PTPRN2: variants seen among roughly 807,000 people sequenced by gnomAD.
The protein encoded by PTPRN2 is receptor-type tyrosine-protein phosphatase N2.
Under a neutral mutation model 118.8 loss-of-function variants are expected in PTPRN2, and 74 were observed. The ratio of observed to expected loss-of-function variants is 0.62; its 90% CI spans 0.52 to 0.76. The LOEUF is 0.76. Among genes scored for constraint, PTPRN2 ranks in the 30% least tolerant of loss-of-function variants. The pLI, the probability that PTPRN2 is intolerant of heterozygous loss-of-function variation, is 0.00. For synonymous variants in PTPRN2, 641 were observed against 608.0 expected (o/e 1.05, Z -0.80); for missense variants, 1,481 against 1,394.4 (o/e 1.06, Z -0.99).
intron 2 of PTPRN2, among the ~76,000 whole-genome samples, chr7:158,424,681 T>A (rs767443560): frequency 2.6e-5 from 4 of 151,806 alleles, no homozygotes. Flanking sequence ...GAGAGCAGAG[T>A]CAAGCACGAT....
chr7:158,067,877 T>C (rs578081341), intron 11 of PTPRN2, among the ~76,000 whole-genome samples: 1 of 151,394 alleles, frequency 6.6e-6, no homozygotes, highest in South Asian at 2.1e-4. Flanking sequence ...CGCCGGGCCA[T>C]GGGCAGCACA....
chr7:158,156,403 T>C (rs1821820264), intron 6 of PTPRN2, among the ~76,000 whole-genome samples: 2 of 152,178 alleles, frequency 1.3e-5, no homozygotes, highest in Non-Finnish European at 2.9e-5. Flanking sequence ...GGACGACAGG[T>C]AACGCAGCTC....
At chr7:158,014,793 TCATCCATCCACCCGTCCATATACCCACA>T (rs1174805407) in intron 11 of PTPRN2, among the ~76,000 whole-genome samples, 7 of 150,790 alleles carry the variant, frequency 4.6e-5, no homozygotes, top group African/African-American at 1.7e-4. Context: ...CTCCACACAT[TCATCCATCCACCCGTCCATATACCCACA>T]CATCCATCCA....
chr7:157,584,540 G>A (rs80220476), intron 17 of PTPRN2, among the ~76,000 whole-genome samples: 259 of 152,346 alleles, frequency 1.7e-3, no homozygotes, highest in African/African-American at 6.1e-3. Context: ...AACAAGCATG[G>A]TAACTGCATC....
intron 1 of PTPRN2, chr7:158,537,370 C>T (rs1207317856): frequency 6.6e-6 from 1 of 152,246 alleles, no homozygotes; most frequent in African/African-American, 2.4e-5. Context: ...GTCGTTAGCA[C>T]CCAAGGCCCA....
intron 14 of PTPRN2, among the ~76,000 whole-genome samples, chr7:157,628,849 GT>G (rs1209696215): frequency 6.6e-6 from 1 of 152,126 alleles, no homozygotes; most frequent in Non-Finnish European, 1.5e-5. Context: ...TTATCCTCTT[GT>G]TTAAGGAAAT....
intron 12 of PTPRN2, among the ~76,000 whole-genome samples, chr7:157,824,222 T>C (rs1807028191): frequency 6.6e-6 from 1 of 152,024 alleles, no homozygotes. Context: ...CGAGCTCAGC[T>C]TGCCGACGGC....
intron 9 of PTPRN2, among the ~76,000 whole-genome samples, chr7:158,114,783 C>T (rs975042183): frequency 6.6e-6 from 1 of 152,186 alleles, no homozygotes; most frequent in Admixed American, 6.5e-5. Context: ...AGAACTACCA[C>T]AGGGCTGAGA....
chr7:157,599,112 C>T (rs1253004226), intron 16 of PTPRN2, among the ~76,000 whole-genome samples: 4 of 151,632 alleles, frequency 2.6e-5, no homozygotes, highest in South Asian at 2.1e-4. Context: ...TGGGTTCAAG[C>T]GATTCTCCTG....
At chr7:158,415,058 ACCAGC>A (rs1814540738) in intron 2 of PTPRN2, among the ~76,000 whole-genome samples, 2 of 151,168 alleles carry the variant, frequency 1.3e-5, no homozygotes, top group Admixed American at 6.6e-5. Context: ...TGATGATACA[ACCAGC>A]TACTTCTCTG....
intron 13 of PTPRN2, among the ~76,000 whole-genome samples, chr7:157,666,797 C>T (rs534641928): frequency 6.6e-6 from 1 of 152,364 alleles, no homozygotes; most frequent in East Asian, 1.9e-4. Context: ...GCAGACTCGG[C>T]CCGTGTGACA....
chr7:157,762,591 T>C (rs1231897822), intron 12 of PTPRN2, among the ~76,000 whole-genome samples: 14 of 103,734 alleles, frequency 1.3e-4, no homozygotes, highest in African/African-American at 5.4e-4. Flanking sequence ...CTGGGGACTG[T>C]TGTGGGGTGG....
At chr7:158,491,170 C>T (rs1392763775) in intron 1 of PTPRN2, among the ~76,000 whole-genome samples, 8 of 152,246 alleles carry the variant, frequency 5.3e-5, no homozygotes, top group African/African-American at 1.9e-4. Context: ...AGACCTAAGG[C>T]AGCACAGAGC....
chr7:157,946,254 T>C (rs1800482026), intron 11 of PTPRN2, among the ~76,000 whole-genome samples: 1 of 151,248 alleles, frequency 6.6e-6, no homozygotes, highest in East Asian at 1.9e-4. Context: ...CTCATGGGAG[T>C]TTTGTAGCTC....
At position 157,621,486 on chromosome 7, in the gene PTPRN2, C is replaced by T. The variant is rs757937675; in HGVS notation, c.2220G>A (p.Lys740=). The change falls in exon 15 of 23, where the codon AAG becomes AAA. Residue 740 remains lysine (K), a synonymous_variant. Transcript: ENST00000389418. Reference sequence around the variant, plus strand: ...ACTCCTTCTCCAGCCGGTTCTTGTTCTTCAGGTGGTCCTCCATGTAGGACT... The same window carrying T: ...ACTCCTTCTCCAGCCGGTTCTTGTTTTTCAGGTGGTCCTCCATGTAGGACT... ...MILSYMEDHL[K]NKNRLEKEWE... The T allele has an allele frequency of 6.2e-7, 1 of 1,613,688 alleles. No homozygotes were observed. Among genetic ancestry groups the T allele is most frequent in the Non-Finnish European group, 8.5e-7 (1 of 1,180,038 alleles).
At chr7:157,846,635 T>A (rs1342739162) in intron 12 of PTPRN2, among the ~76,000 whole-genome samples, 1 of 152,072 alleles carries the variant, frequency 6.6e-6, no homozygotes, top group Admixed American at 6.6e-5. Flanking sequence ...TGCAGGTGTG[T>A]CTGATGTTTA....
intron 2 of PTPRN2, among the ~76,000 whole-genome samples, chr7:158,395,866 C>A (rs953237410): frequency 6.6e-6 from 1 of 151,970 alleles, no homozygotes; most frequent in African/African-American, 2.4e-5. Flanking sequence ...CGAATTCGGG[C>A]AGAGCGCCAT....
At position 157,642,577 on chromosome 7, in the gene PTPRN2, C is replaced by T. The variant is rs575207871; in HGVS notation, c.2196+13780G>A. On this transcript the variant is annotated intron_variant, in intron 14 of 22. Transcript: ENST00000389418. The stretch of plus-strand genomic sequence containing the variant: ...CGAGCAGCCTGTGGACGTCTCCGTC[C>T]GTCACTGGGTGCTCAGAAAACGCTG... Among the ~76,000 whole-genome samples the T allele has an allele frequency of 1.8e-4, 28 of 152,208 alleles. No individual in the cohort carries two copies. In the South Asian group the frequency reaches 5.2e-3, roughly 28 times the overall value.
intron 11 of PTPRN2, among the ~76,000 whole-genome samples, chr7:157,985,916 C>A (rs1163232811): frequency 1.3e-5 from 2 of 151,444 alleles, no homozygotes; most frequent in African/African-American, 4.9e-5. Flanking sequence ...GCAGGGAGAC[C>A]AGCCAGACAG....
Sources: gnomAD v4.1 joint callset for allele counts (sites outside exome capture counted in the v4.1 genomes callset) on GRCh38, gnomAD v4.1.1 for gene constraint, MANE v1.5 for transcripts, NCBI Gene and HGNC (gene_info 2026-07-23, HGNC 2026-07-21) for gene names.